The following RDH11 variants were observed in gnomAD, a reference collection of about 807,000 sequenced individuals.
RDH11 encodes retinol dehydrogenase 11, also known as HCV core-binding protein HCBP12.
RDH11 carries 19 observed loss-of-function variants against 33.4 expected under a neutral mutation model. That is an observed-to-expected ratio of 0.57 (90% CI 0.40 to 0.83). The LOEUF (loss-of-function observed/expected upper bound fraction) is 0.83, where lower values mean the gene tolerates loss of function less well. RDH11 is among the 40% of genes least tolerant of loss of function. RDH11 has a pLI of 0.00. For synonymous variants in RDH11, 154 were observed against 155.3 expected (o/e 0.99, Z 0.06); for missense variants, 353 against 389.0 (o/e 0.91, Z 0.78).
chr14:67,693,111 T>G, intron 1 of RDH11, 59 bp from the exon 2 acceptor site: 1 of 1,130,700 alleles, frequency 8.8e-7, no homozygotes, highest in Non-Finnish European at 1.3e-6. Flanking sequence ...GCCAGTAGGT[T>G]CCTGCAACTC....
At chr14:67,690,587 T>C in intron 4 of RDH11, 166 bp from the exon 5 acceptor site, 6 of 620,584 alleles carry the variant, frequency 9.7e-6, no homozygotes, top group Middle Eastern at 4.4e-4. Flanking sequence ...TTTAGGGAAA[T>C]AACAACAGCC....
intron 2 of RDH11, 154 bp downstream of exon 2, chr14:67,692,780 G>A: frequency 2.3e-6 from 2 of 855,494 alleles, no homozygotes; most frequent in Non-Finnish European, 3.7e-6. Context: ...TCCATTATAT[G>A]TAGAGCATAG....
Position 67,678,415 on chromosome 14 carries a change from T to C in RDH11, c.863A>G (p.His288Arg), listed in dbSNP as rs758243773. 6.2e-7 allele frequency: 1 copy of C among 1,610,526 alleles called. No homozygotes were observed. The highest frequency in any genetic ancestry group is 1.3e-5 in the African/African-American group (1 of 74,818). Residue 288 changes from histidine to arginine, a missense_variant, in exon 7 of 7, where the codon CAT (histidine) becomes CGT (arginine). Transcript: ENST00000381346. ...AGCTTGGGCAGAGACCCATGCCACA[T>C]GACAGTCACTGGAAGGTAAAGAGAA... is the stretch of plus-strand genomic sequence containing the variant. ...ILSGNHFSDCHVAWVSAQARN... is the reference protein window; with the variant it reads ...ILSGNHFSDCRVAWVSAQARN...
intron 6 of RDH11, among the ~76,000 whole-genome samples, chr14:67,680,957 A>C (rs1346324519): frequency 6.6e-6 from 1 of 152,216 alleles, no homozygotes; most frequent in Admixed American, 6.5e-5. Context: ...GTGAAACATA[A>C]ACCCTTATAT....
intron 5 of RDH11, among the ~76,000 whole-genome samples, chr14:67,687,808 G>GT (rs2037700651): frequency 7.5e-6 from 1 of 133,928 alleles, no homozygotes; most frequent in Admixed American, 7.8e-5. Context: ...AGTTTTACTC[G>GT]TGACGCCCAG....
intron 1 of RDH11, among the ~76,000 whole-genome samples, chr14:67,694,453 C>T (rs577060983): frequency 1.2e-3 from 156 of 128,660 alleles, no homozygotes; most frequent in African/African-American, 3.2e-3. Context: ...TATATATATA[C>T]ACACACACAC....
chr14:67,691,088 C>T, intron 4 of RDH11, 52 bp downstream of exon 4: 2 of 1,237,710 alleles, frequency 1.6e-6, no homozygotes, highest in Admixed American at 3.4e-5. Context: ...CCTAAGTTTC[C>T]CAAAGAGAAT....
At position 67,690,242 on chromosome 14, in the gene RDH11, A is replaced by G. The variant is rs781666109; in HGVS notation, c.634T>C (p.Phe212Leu). The G allele has an allele frequency of 1.4e-5, 22 of 1,613,804 alleles. No homozygotes were observed. The highest frequency in any genetic ancestry group is 1.9e-5 in the Non-Finnish European group (22 of 1,180,016). The change falls in exon 5 of 7, where the codon TTC becomes CTC. Residue 212 changes from phenylalanine (F) to leucine (L), a missense_variant. Physicochemically the swap from Phe to Leu is conservative, Grantham distance 22. Coordinates refer to ENST00000381346, the MANE Select transcript of RDH11 (RefSeq NM_016026.4). ...AGTCTCCGGGCCAGTTCCTGGGTGA[A>G]GAGGATGTTGGCTAGCTTGCTGTGA... ...YCHSKLANIL[F>L]TQELARRLKG...
chr14:67,685,876 A>G (rs2140066674), intron 5 of RDH11, among the ~76,000 whole-genome samples: 1 of 152,122 alleles, frequency 6.6e-6, no homozygotes, highest in Non-Finnish European at 1.5e-5. Flanking sequence ...TCGGCCTCCC[A>G]AAGTGCTGGG....
At chr14:67,684,483 C>T (rs1396592037) in intron 6 of RDH11, 1 of 152,028 alleles carries the variant, frequency 6.6e-6, no homozygotes, top group Non-Finnish European at 1.5e-5. Flanking sequence ...GTGTTATATT[C>T]AAAATTCTCT....
At chr14:67,678,650 T>C (rs1360361821) in intron 6 of RDH11, among the ~76,000 whole-genome samples, 1 of 152,248 alleles carries the variant, frequency 6.6e-6, no homozygotes, top group East Asian at 1.9e-4. Flanking sequence ...AATGCTTTGT[T>C]TGATATATAA....
In RDH11 at chr14:67,678,422, C is replaced by A; in HGVS notation, c.856G>T (p.Asp286Tyr). The stretch of plus-strand genomic sequence containing the variant: ...GCAGAGACCCATGCCACATGACAGT[C>A]ACTGGAAGGTAAAGAGAAAGGTATG... The part of the protein sequence containing the change: ...LEILSGNHFS[D>Y]CHVAWVSAQA... Residue 286 changes from aspartate (D) to tyrosine (Y), a missense_variant and splice_region_variant, in exon 7 of 7, where the codon GAC becomes TAC. Coordinates refer to ENST00000381346, the MANE Select transcript of RDH11 (RefSeq NM_016026.4). The A allele has an allele frequency of 1.2e-6, 2 of 1,607,494 alleles. No homozygotes were observed. The highest frequency in any genetic ancestry group is 2.2e-5 in the South Asian group (2 of 90,892).
chr14:67,690,007 C>G (rs1450082956), intron 5 of RDH11: 1 of 554,838 alleles, frequency 1.8e-6, no homozygotes, highest in Non-Finnish European at 3.2e-6. Context: ...TAAAGCCAGG[C>G]CTTCAGACTC....
At chr14:67,692,808 C>T (rs537523862) in intron 2 of RDH11, 126 bp downstream of exon 2, 1 of 881,266 alleles carries the variant, frequency 1.1e-6, no homozygotes, top group East Asian at 2.4e-5. Context: ...TTCAGATCAG[C>T]AAATCAGTGG....
chr14:67,688,329 G>T (rs1335573329), intron 5 of RDH11, among the ~76,000 whole-genome samples: 2 of 152,064 alleles, frequency 1.3e-5, no homozygotes, highest in African/African-American at 4.8e-5. Context: ...AATACACTAA[G>T]GCACATCTAT....
rs528181497 is a variant in RDH11, at chr14:67,681,792, T to C, written c.854+3223A>G. Among the ~76,000 whole-genome samples the C allele has an allele frequency of 5.3e-5, 8 of 152,154 alleles. No homozygotes were observed. In the South Asian group the frequency reaches 1.7e-3, roughly 32 times the overall value. On this transcript the variant is annotated intron_variant, in intron 6 of 6. Transcript: ENST00000381346. ...TAATAATTATAAAATAAAATAAAAA[T>C]AGTTCAAAACAGATCACAGACCTAT...
intron 1 of RDH11, among the ~76,000 whole-genome samples, chr14:67,693,736 C>T (rs2037785426): frequency 6.7e-6 from 1 of 150,010 alleles, no homozygotes; most frequent in African/African-American, 2.5e-5. Context: ...GCAACCTCCA[C>T]CTCCACTGCA....
chr14:67,695,535 G>A, intron 1 of RDH11, 95 bp downstream of exon 1: 2 of 1,264,490 alleles, frequency 1.6e-6, no homozygotes, highest in East Asian at 2.5e-5. Flanking sequence ...AGCCCCCCCA[G>A]GGGAGTTTTC....
chr14:67,695,188 G>A (rs1369509250), intron 1 of RDH11, among the ~76,000 whole-genome samples: 1 of 152,192 alleles, frequency 6.6e-6, no homozygotes, highest in East Asian at 1.9e-4. Flanking sequence ...TGGGGCCGCA[G>A]ATGTTACGAT....
Sources: allele counts gnomAD v4.1 joint callset (sites outside exome capture counted in the v4.1 genomes callset), GRCh38; gene constraint gnomAD v4.1.1; transcripts MANE v1.5; gene names NCBI Gene and HGNC (gene_info 2026-07-23, HGNC 2026-07-21).